KIAA1549L: variants seen among roughly 807,000 people sequenced by gnomAD.
KIAA1549L encodes UPF0606 protein KIAA1549L.
A neutral mutation model predicts 160.7 loss-of-function variants in KIAA1549L; 88 were observed. The observed-to-expected ratio is 0.55, with a 90% confidence interval of 0.46 to 0.65. KIAA1549L has a LOEUF of 0.65. Ranked by LOEUF, KIAA1549L falls within the 30% of genes least tolerant of loss-of-function variation. The probability of loss-of-function intolerance (pLI) is 0.00; values close to 1 mark genes in which losing one functional copy is unlikely to be tolerated. For missense variants in KIAA1549L, 2,258 were observed against 2,437.5 expected (o/e 0.93, Z 1.55); for synonymous variants, 950 against 976.7 (o/e 0.97, Z 0.51).
At chr11:33,534,294 G>C (rs955944208) in intron 1 of KIAA1549L, among the ~76,000 whole-genome samples, 1 of 150,514 alleles carries the variant, frequency 6.6e-6, no homozygotes, top group South Asian at 2.1e-4. Flanking sequence ...GTTTCACCGT[G>C]TTGGTCAGGC....
Position 33,574,807 on chromosome 11 carries a change from C to G in KIAA1549L, c.4336C>G (p.Leu1446Val), listed in dbSNP as rs1855391317. ...PLLGTAAAKI[L>V]STIDSQRMAL... ...GTTGGGGACCGCAGCTGCCAAGATCCTGAGCACCATTGATTCCCAAAGGAT... is the reference window on the plus strand; with the variant it reads ...GTTGGGGACCGCAGCTGCCAAGATCGTGAGCACCATTGATTCCCAAAGGAT... The change falls in exon 10 of 21, where the codon CTG (leucine) becomes GTG (valine). Residue 1446 changes from leucine (L) to valine (V), a missense_variant. By Grantham distance (32) the Leu-to-Val change is conservative. Around this residue, in one of 6 missense-constraint regions of KIAA1549L, gnomAD observed 1,359 missense variants for 1,546.6 expected, o/e 0.88. Transcript: ENST00000658780. 1.2e-6 allele frequency: 2 copies of G among 1,613,904 alleles called. No homozygotes were observed. The highest frequency in any genetic ancestry group is 1.7e-6 in the Non-Finnish European group (2 of 1,179,874).
intron 18 of KIAA1549L, among the ~76,000 whole-genome samples, chr11:33,656,545 T>C (rs1182983478): frequency 6.6e-6 from 1 of 152,212 alleles, no homozygotes; most frequent in Non-Finnish European, 1.5e-5. Flanking sequence ...ATTGAAAATG[T>C]ATGAAGTCAG....
chr11:33,542,163 C>T lies in KIAA1549L; in HGVS notation c.600C>T (p.Ser200=), dbSNP rs1321062456. 8.3e-6 allele frequency: 5 copies of T among 603,862 alleles called. No homozygotes were observed. In the Admixed American group the frequency reaches 1.1e-4, roughly 13 times the overall value. 37.4% of individuals were successfully genotyped at this position (603,862 alleles called of 1,614,324 possible). Reference sequence around the variant, plus strand: ...ATGTGTCAGGTTTGCCTCTCACCAGCATGCTCCCCTCGTTGTCCACAGTCC... The same window carrying T: ...ATGTGTCAGGTTTGCCTCTCACCAGTATGCTCCCCTCGTTGTCCACAGTCC... ...AADVSGLPLT[S]MLPSLSTVPS... The change falls in exon 2 of 21, where the codon AGC becomes AGT. Residue 200 remains serine, a synonymous_variant. Coordinates refer to ENST00000658780, the MANE Select transcript of KIAA1549L (RefSeq NM_012194.3).
At chr11:33,597,471 G>A (rs1036749186) in intron 12 of KIAA1549L, among the ~76,000 whole-genome samples, 5 of 152,208 alleles carry the variant, frequency 3.3e-5, no homozygotes, top group African/African-American at 1.2e-4. Context: ...TACTGATCAA[G>A]TGCATTTATT....
chr11:33,437,493 T>C lies in KIAA1549L; in HGVS notation c.238+60604T>C, dbSNP rs1437616561. On this transcript the variant is annotated intron_variant, in intron 1 of 20. Transcript: ENST00000658780. ...GCCAGACAGTTCTGAGTTTGAATCT[T>C]GGCTCTGCCACTTTTGAGACACATT... 2.0e-5 allele frequency among the ~76,000 whole-genome samples: 3 copies of C among 152,234 alleles called. 1 individual carries two copies. The highest frequency in any genetic ancestry group is 2.9e-5 in the Non-Finnish European group (2 of 68,038).
At position 33,535,444 on chromosome 11, in the gene KIAA1549L, G is replaced by A. The variant is rs551376635; in HGVS notation, c.239-6358G>A. ...TCTCAGCACTTTGGGAGGTCATGGC[G>A]GGAAGATCACTTGAGCCCAGGAGTT... On this transcript the variant is annotated intron_variant, in intron 1 of 20. Transcript: ENST00000658780. 1.9e-3 allele frequency among the ~76,000 whole-genome samples: 283 copies of A among 152,178 alleles called. 1 individual carries two copies. The highest frequency in any genetic ancestry group is 5.6e-3 in the Admixed American group (86 of 15,296).
At chr11:33,597,145 A>G (rs1329813850) in intron 12 of KIAA1549L, among the ~76,000 whole-genome samples, 2 of 152,246 alleles carry the variant, frequency 1.3e-5, no homozygotes. Flanking sequence ...AGAACTGATC[A>G]GAGCCTTTGA....
chr11:33,539,606 C>T (rs893805239), intron 1 of KIAA1549L, among the ~76,000 whole-genome samples: 12 of 152,234 alleles, frequency 7.9e-5, no homozygotes, highest in Non-Finnish European at 1.8e-4. Context: ...TTGCCTCCTC[C>T]TTCTGTTTTT....
intron 16 of KIAA1549L, among the ~76,000 whole-genome samples, chr11:33,627,997 G>A (rs930308336): frequency 6.5e-4 from 99 of 151,932 alleles, no homozygotes; most frequent in African/African-American, 2.0e-3. Flanking sequence ...CTTTGTTCTC[G>A]TTGGTTTCAA....
At chr11:33,528,910 C>T (rs1344390449) in intron 1 of KIAA1549L, among the ~76,000 whole-genome samples, 1 of 152,174 alleles carries the variant, frequency 6.6e-6, no homozygotes, top group Non-Finnish European at 1.5e-5. Flanking sequence ...TCTCAGAAAT[C>T]ACCACTAAAG....
intron 12 of KIAA1549L, among the ~76,000 whole-genome samples, chr11:33,592,015 C>T (rs1357339298): frequency 6.6e-6 from 1 of 152,082 alleles, no homozygotes; most frequent in East Asian, 1.9e-4. Flanking sequence ...GGGAAAACCT[C>T]GTGGAGAAGG....
At chr11:33,574,650 C>A in intron 9 of KIAA1549L, 52 bp from the exon 10 acceptor site, 1 of 1,540,090 alleles carries the variant, frequency 6.5e-7, no homozygotes, top group Non-Finnish European at 8.8e-7. Context: ...TGGGTGATTG[C>A]AGGGTCCATG....
chr11:33,499,425 G>T lies in KIAA1549L; in HGVS notation c.239-42377G>T, dbSNP rs1852893402. On this transcript the variant is annotated intron_variant, in intron 1 of 20. Transcript: ENST00000658780. ...GGGTATTTTGGGGAGGGGGATTTGT[G>T]TTCTCACACTAGAATGTAAGCTTCT... Among the ~76,000 whole-genome samples, 4 of 152,302 alleles carry T rather than the reference G, an allele frequency of 2.6e-5. 1 individual carries two copies. The South Asian group carries it at 8.3e-4, about 32-fold the overall frequency.
chr11:33,654,866 G>A (rs954798474), intron 17 of KIAA1549L, among the ~76,000 whole-genome samples: 1 of 152,136 alleles, frequency 6.6e-6, no homozygotes, highest in Non-Finnish European at 1.5e-5. Flanking sequence ...GAGTGGGTTG[G>A]CCCTTATGAA....
chr11:33,505,069 T>C (rs1414997053), intron 1 of KIAA1549L, among the ~76,000 whole-genome samples: 3 of 152,224 alleles, frequency 2.0e-5, no homozygotes, highest in Non-Finnish European at 4.4e-5. Flanking sequence ...CCTGGCCGAT[T>C]GTTGCAGATT....
chr11:33,558,299 C>T (rs553866643), intron 6 of KIAA1549L, among the ~76,000 whole-genome samples: 5 of 152,258 alleles, frequency 3.3e-5, no homozygotes, highest in African/African-American at 9.6e-5. Flanking sequence ...AGGAGCAGTA[C>T]GGTACCCAAG....
chr11:33,443,059 T>A lies in KIAA1549L; in HGVS notation c.238+66170T>A, dbSNP rs532293623. Among the ~76,000 whole-genome samples the A allele has an allele frequency of 2.0e-5, 3 of 152,378 alleles. No individual in the cohort carries two copies. The South Asian group carries it at 6.2e-4, about 32-fold the overall frequency. On this transcript the variant is annotated intron_variant, in intron 1 of 20. Coordinates refer to ENST00000658780, the MANE Select transcript of KIAA1549L (RefSeq NM_012194.3). ...GCTTAATTATCTTTTCCATAATTTG[T>A]GTAATCCTGTTTTATTTCTTTATGC...
intron 2 of KIAA1549L, 128 bp downstream of exon 2, chr11:33,544,464 A>G: frequency 9.8e-7 from 1 of 1,016,388 alleles, no homozygotes; most frequent in East Asian, 2.4e-5. Flanking sequence ...CATACCCCCG[A>G]TCAGGAATGA....
intron 16 of KIAA1549L, among the ~76,000 whole-genome samples, chr11:33,629,667 A>G (rs1362522107): frequency 1.3e-5 from 2 of 150,860 alleles, no homozygotes; most frequent in Non-Finnish European, 2.9e-5. Context: ...CTCTGTATTG[A>G]TTATTCTAGT....
Sources: allele counts gnomAD v4.1 joint callset (sites outside exome capture counted in the v4.1 genomes callset), GRCh38; gene constraint gnomAD v4.1.1; regional missense constraint gnomAD v4.1.1; transcripts MANE v1.5; gene names NCBI Gene and HGNC (gene_info 2026-07-23, HGNC 2026-07-21).